Variants in DERA observed in about 807,000 individuals in gnomAD.
The protein encoded by DERA is 2-deoxy-D-ribose 5-phosphate aldolase.
Under a neutral mutation model 41.1 loss-of-function variants are expected in DERA, and 15 were observed. The ratio of observed to expected loss-of-function variants is 0.37; its 90% CI spans 0.24 to 0.56. DERA has a LOEUF of 0.56. Among genes scored for constraint, DERA ranks in the 20% least tolerant of loss-of-function variants. DERA has a pLI of 0.81. For synonymous variants in DERA, 139 were observed against 137.4 expected, an observed-to-expected ratio of 1.01 and a Z score of -0.08; for missense variants, 396 against 403.4, an observed-to-expected ratio of 0.98 and a Z score of 0.16.
chr12:15,963,259 T>G (rs1366913109), intron 5 of DERA, among the ~76,000 whole-genome samples: 2 of 152,218 alleles, frequency 1.3e-5, no homozygotes, highest in African/African-American at 4.8e-5. Context: ...AAGGGAAAAG[T>G]TACTACTATT....
At chr12:15,927,030 G>T (rs996982360) in intron 1 of DERA, among the ~76,000 whole-genome samples, 1 of 152,200 alleles carries the variant, frequency 6.6e-6, no homozygotes, top group African/African-American at 2.4e-5. Context: ...CTTCTGAATA[G>T]TCAAGTACAT....
In DERA at chr12:15,967,518, A is replaced by G. The variant is rs961335986; in HGVS notation, c.508+4571A>G. Among the ~76,000 whole-genome samples, 3 of 152,180 alleles carry G rather than the reference A, an allele frequency of 2.0e-5. No individual in the cohort carries two copies. The highest frequency in any genetic ancestry group is 2.0e-4 in the Admixed American group (3 of 15,272). On this transcript the variant is annotated intron_variant, in intron 5 of 8. Coordinates refer to ENST00000428559, the MANE Select transcript of DERA (RefSeq NM_015954.4). The surrounding 1 kb of genome is among the most constrained non-coding windows in gnomAD (Gnocchi z 4.9). ...TTAAATACAATTTAATTTTTTCTTG[A>G]TTATTCCAAACTGTTTCATTACTGA... is the stretch of plus-strand genomic sequence containing the variant.
rs1180646167 is a variant in DERA, at chr12:15,943,721, A to G, written c.32-13215A>G. Among the ~76,000 whole-genome samples the G allele has an allele frequency of 6.7e-6, 1 of 148,374 alleles. No homozygotes were observed. Among genetic ancestry groups the G allele is most frequent in the Non-Finnish European group, 1.5e-5 (1 of 66,998 alleles). On this transcript the variant is annotated intron_variant, in intron 1 of 8. Transcript: ENST00000428559. The surrounding 1 kb of genome is among the most constrained non-coding windows in gnomAD (Gnocchi z 4.5). ...TTTTTTAATTTTTATTTATTTATTT[A>G]TTTATTTATTTATTTATTTTATTAT... is the stretch of plus-strand genomic sequence containing the variant.
In DERA at chr12:15,972,199, A is replaced by C. The variant is rs970860410; in HGVS notation, c.508+9252A>C. On this transcript the variant is annotated intron_variant, in intron 5 of 8. Transcript: ENST00000428559. The surrounding 1 kb of genome is among the most constrained non-coding windows in gnomAD (Gnocchi z 4.4). Reference sequence around the variant, plus strand: ...CAGCCATCGTTGTTGAGGTGTCCACATGATGAATGTAACCTATTCCATTTT... The same window carrying C: ...CAGCCATCGTTGTTGAGGTGTCCACCTGATGAATGTAACCTATTCCATTTT... The C allele has an allele frequency of 6.2e-6, 1 of 161,504 alleles. No individual in the cohort carries two copies. Among genetic ancestry groups the C allele is most frequent in the African/African-American group, 2.4e-5 (1 of 41,548 alleles). 10.0% of individuals were successfully genotyped at this position (161,504 alleles called of 1,614,324 possible).
chr12:16,028,944 A>G (rs1163742939), intron 6 of DERA, among the ~76,000 whole-genome samples: 24 of 152,230 alleles, frequency 1.6e-4, no homozygotes, highest in Non-Finnish European at 1.5e-5. Context: ...ATTGAGTCAT[A>G]CTAAAAAAAA....
intron 1 of DERA, among the ~76,000 whole-genome samples, chr12:15,944,122 G>A (rs888594796): frequency 6.6e-6 from 1 of 151,964 alleles, no homozygotes; most frequent in South Asian, 2.1e-4. Flanking sequence ...TTAATCCAGG[G>A]TATCATTGAT....
rs1166793465 is a variant in DERA at position 16,000,672 on chromosome 12, C to T, written c.637+18236C>T. ...GAAATTGGAAAGAATTTAGATCATC[C>T]ATGTCACACAAAGCCAGCAAAGGCT... is the stretch of plus-strand genomic sequence containing the variant. On this transcript the variant is annotated intron_variant, in intron 6 of 8. Transcript: ENST00000428559. The surrounding 1 kb of genome is among the most constrained non-coding windows in gnomAD (Gnocchi z 4.8). Among the ~76,000 whole-genome samples the T allele has an allele frequency of 6.6e-6, 1 of 152,184 alleles. No homozygotes were observed. Among genetic ancestry groups the T allele is most frequent in the Non-Finnish European group, 1.5e-5 (1 of 68,032 alleles).
In DERA at chr12:15,958,177, GT is replaced by G; in HGVS notation, c.130-8del. ...TTAAATTTACTTTGTTTTCACTTTT[GT>G]TTAAACCAGGCTGCTTGGCTCCTGA... On this transcript the variant is annotated splice_polypyrimidine_tract_variant and intron_variant, in intron 2 of 8. Transcript: ENST00000428559. 6.5e-7 allele frequency: 1 copy of G among 1,535,158 alleles called. No individual in the cohort carries two copies. The highest frequency in any genetic ancestry group is 8.7e-7 in the Non-Finnish European group (1 of 1,143,014).
chr12:15,958,536 G>A (rs1948559095), intron 3 of DERA, among the ~76,000 whole-genome samples: 1 of 144,542 alleles, frequency 6.9e-6, no homozygotes, highest in African/African-American at 2.6e-5. Context: ...TTTTTTTTGA[G>A]GTCAGTTCTT....
At chr12:16,034,996 T>C (rs931716844) in intron 7 of DERA, among the ~76,000 whole-genome samples, 1 of 151,956 alleles carries the variant, frequency 6.6e-6, no homozygotes, top group Admixed American at 6.6e-5. Flanking sequence ...GCAGATATGG[T>C]TGGAATCCGT....
rs1054984236 is a variant in DERA, at chr12:15,911,895, A to G, written c.31+481A>G. ...AAGTTGTCAGCCGTCTGTGCTCAAA[A>G]TGTAACACTGCAGATTCATGGGATT... On this transcript the variant is annotated intron_variant, in intron 1 of 8. Coordinates refer to ENST00000428559, the MANE Select transcript of DERA (RefSeq NM_015954.4). This position sits in a 1 kb window ranked among gnomAD's most constrained non-coding sequence, Gnocchi z 4.5. 3 of 406,724 alleles carry G rather than the reference A, an allele frequency of 7.4e-6. No homozygotes were observed. The Admixed American group carries it at 8.9e-5, about 12-fold the overall frequency. The allele number at this position is 406,724 out of a possible 1,614,324, so 25.2% of individuals were successfully genotyped here. A position where few individuals can be genotyped will look rare whatever the true frequency, so the allele number is the denominator to read the frequency against.
At position 15,936,803 on chromosome 12, in the gene DERA, A is replaced by C. The variant is rs1048822324; in HGVS notation, c.32-20133A>C. ...TCTCACCACCCGGATTTGTCTGATT[A>C]TTTTCTAGTGATGTCATTTAACTTA... On this transcript the variant is annotated intron_variant, in intron 1 of 8. Coordinates refer to ENST00000428559, the MANE Select transcript of DERA (RefSeq NM_015954.4). This position sits in a 1 kb window ranked among gnomAD's most constrained non-coding sequence, Gnocchi z 4.6. 1.3e-5 allele frequency among the ~76,000 whole-genome samples: 2 copies of C among 150,468 alleles called. No homozygotes were observed. Among genetic ancestry groups the C allele is most frequent in the African/African-American group, 4.9e-5 (2 of 40,802 alleles).
rs568266108 is a variant in DERA at position 16,000,175 on chromosome 12, A to T, written c.637+17739A>T. ...CAGGATAGGGAATTTAAGAGGACGA[A>T]GTCTTTTTCCCAGCCCAGGAACCAG... On this transcript the variant is annotated intron_variant, in intron 6 of 8. Coordinates refer to ENST00000428559, the MANE Select transcript of DERA (RefSeq NM_015954.4). This position sits in a 1 kb window ranked among gnomAD's most constrained non-coding sequence, Gnocchi z 4.8. Among the ~76,000 whole-genome samples, 1 of 152,270 alleles carries T rather than the reference A, an allele frequency of 6.6e-6. No homozygotes were observed. The highest frequency in any genetic ancestry group is 2.1e-4 in the South Asian group (1 of 4,820).
Position 15,999,070 on chromosome 12 carries a change from C to T in DERA, c.637+16634C>T, listed in dbSNP as rs1047312429. Among the ~76,000 whole-genome samples, 1 of 151,978 alleles carries T rather than the reference C, an allele frequency of 6.6e-6. No individual in the cohort carries two copies. The highest frequency in any genetic ancestry group is 6.6e-5 in the Admixed American group (1 of 15,258). ...GGAGTTCCCCAATTCCAAACTGTGT[C>T]GGGGAATGGGAGGAAATGAGGGATG... On this transcript the variant is annotated intron_variant, in intron 6 of 8. Transcript: ENST00000428559. This position sits in a 1 kb window ranked among gnomAD's most constrained non-coding sequence, Gnocchi z 5.3.
intron 5 of DERA, among the ~76,000 whole-genome samples, chr12:15,975,485 G>A (rs1948690942): frequency 6.6e-6 from 1 of 152,220 alleles, no homozygotes; most frequent in South Asian, 2.1e-4. Context: ...TGACTCTTAA[G>A]CCGTAATTTC....
intron 1 of DERA, among the ~76,000 whole-genome samples, chr12:15,947,915 A>G (rs894925942): frequency 6.6e-6 from 1 of 152,036 alleles, no homozygotes; most frequent in East Asian, 1.9e-4. Flanking sequence ...TGGTGAGAAA[A>G]TCTCTCAGCA....
intron 5 of DERA, among the ~76,000 whole-genome samples, chr12:15,973,246 C>T (rs1430498717): frequency 5.3e-5 from 8 of 152,204 alleles, no homozygotes. Flanking sequence ...GCTTCTAGCA[C>T]ACCCACTTTC....
At position 15,922,888 on chromosome 12, in the gene DERA, TG is replaced by T. The variant is rs1378835487; in HGVS notation, c.31+11479del. On this transcript the variant is annotated intron_variant, in intron 1 of 8. Coordinates refer to ENST00000428559, the MANE Select transcript of DERA (RefSeq NM_015954.4). The surrounding 1 kb of genome is among the most constrained non-coding windows in gnomAD (Gnocchi z 4.9). The stretch of plus-strand genomic sequence containing the variant: ...AGTTGTAAGGTTTATACCACTCTGG[TG>T]GGGGATGTTGATAATGGGGGAGGCT... Among the ~76,000 whole-genome samples the T allele has an allele frequency of 6.6e-6, 1 of 151,830 alleles. No individual in the cohort carries two copies. The highest frequency in any genetic ancestry group is 1.9e-4 in the East Asian group (1 of 5,186).
intron 1 of DERA, among the ~76,000 whole-genome samples, chr12:15,953,840 A>T (rs1948517216): frequency 6.6e-6 from 1 of 152,206 alleles, no homozygotes; most frequent in Non-Finnish European, 1.5e-5. Context: ...ATTTGATGAA[A>T]TTAAAGAGTA....
Sources: gnomAD v4.1 joint callset for allele counts (sites outside exome capture counted in the v4.1 genomes callset) on GRCh38, gnomAD v4.1.1 for gene constraint, Gnocchi (gnomAD v3.1) non-coding constraint, MANE v1.5 for transcripts, NCBI Gene and HGNC (gene_info 2026-07-23, HGNC 2026-07-21) for gene names.